L3MBTL4: variants seen among roughly 807,000 people sequenced by gnomAD.
L3MBTL4 encodes lethal(3)malignant brain tumor-like protein 4.
L3MBTL4 carries 70 observed loss-of-function variants against 84.5 expected under a neutral mutation model. The observed-to-expected ratio is 0.83, with a 90% CI of 0.68 to 1.01. The LOEUF is 1.01. Ranked by LOEUF, L3MBTL4 falls within the 50% of genes least tolerant of loss-of-function variation. L3MBTL4 has a pLI of 0.00. For missense variants in L3MBTL4, 715 were observed against 754.8 expected, an observed-to-expected ratio of 0.95 and a Z score of 0.62; for synonymous variants, 274 against 259.8, an observed-to-expected ratio of 1.05 and a Z score of -0.52.
intron 12 of L3MBTL4, among the ~76,000 whole-genome samples, chr18:6,185,989 A>ATTTT: frequency 6.7e-6 from 1 of 149,246 alleles, no homozygotes; most frequent in African/African-American, 2.5e-5. Flanking sequence ...ATTTTATTTT[A>ATTTT]TTTTATTATT....
intron 16 of L3MBTL4, among the ~76,000 whole-genome samples, chr18:6,049,545 A>C (rs2056766924): frequency 6.6e-6 from 1 of 152,262 alleles, no homozygotes. Flanking sequence ...GCCATAAAAA[A>C]TGAAATCATA....
intron 17 of L3MBTL4, among the ~76,000 whole-genome samples, chr18:5,968,505 A>G (rs1284121334): frequency 6.6e-6 from 1 of 151,928 alleles, no homozygotes; most frequent in Non-Finnish European, 1.5e-5. Flanking sequence ...CGAGACTAGC[A>G]TGGGCAACAT....
intron 16 of L3MBTL4, among the ~76,000 whole-genome samples, chr18:6,054,517 C>G (rs1407539245): frequency 6.6e-6 from 1 of 152,190 alleles, no homozygotes. Flanking sequence ...TCCTTCTTTT[C>G]CTCCGAGGCC....
chr18:6,205,788 A>G (rs774300576), intron 12 of L3MBTL4, among the ~76,000 whole-genome samples: 1 of 152,236 alleles, frequency 6.6e-6, no homozygotes, highest in African/African-American at 2.4e-5. Flanking sequence ...GGTTAAAAAT[A>G]GAGTGCCTAC....
intron 12 of L3MBTL4, among the ~76,000 whole-genome samples, chr18:6,182,186 G>A (rs962822201): frequency 2.0e-5 from 3 of 152,118 alleles, no homozygotes; most frequent in African/African-American, 7.2e-5. Flanking sequence ...TTTAATAATA[G>A]CCATTCTGAC....
intron 5 of L3MBTL4, among the ~76,000 whole-genome samples, chr18:6,248,392 C>T (rs750727677): frequency 8.5e-5 from 13 of 152,196 alleles, no homozygotes; most frequent in Non-Finnish European, 1.6e-4. Context: ...AGTAAAGTTA[C>T]AATATCCATT....
At chr18:6,128,310 G>A (rs903624848) in intron 14 of L3MBTL4, among the ~76,000 whole-genome samples, 1 of 152,052 alleles carries the variant, frequency 6.6e-6, no homozygotes, top group Non-Finnish European at 1.5e-5. Context: ...AAAGCAAACA[G>A]AGCAAATAGA....
chr18:6,012,683 T>G (rs564448711), intron 16 of L3MBTL4, among the ~76,000 whole-genome samples: 1 of 150,676 alleles, frequency 6.6e-6, no homozygotes, highest in East Asian at 2.0e-4. Flanking sequence ...AAAAAAAAAT[T>G]AGCCGATTGA....
chr18:6,014,133 C>T (rs530155854), intron 16 of L3MBTL4, among the ~76,000 whole-genome samples: 1 of 152,280 alleles, frequency 6.6e-6, no homozygotes, highest in African/African-American at 2.4e-5. Context: ...GCTTCTTCTG[C>T]CTCCTATGGG....
Position 6,072,881 on chromosome 18 carries a change from AATATATATATAT to A in L3MBTL4, c.1444+7988_1444+7999del, listed in dbSNP as rs71163258. ...ACTCCGTCTCAAAAAAAAAAAAAAA[AATATATATATAT>A]ATATATATATATATATATATATATA... On this transcript the variant is annotated intron_variant, in intron 16 of 18. Coordinates refer to ENST00000317931, the MANE Select transcript of L3MBTL4 (RefSeq NM_001330559.2). Among the ~76,000 whole-genome samples the A allele has an allele frequency of 4.6e-3, 94 of 20,394 alleles. 2 individuals carry two copies. The highest frequency in any genetic ancestry group is 9.9e-3 in the South Asian group (4 of 404). 13.4% of individuals were successfully genotyped at this position (20,394 alleles called of 152,430 possible).
intron 1 of L3MBTL4, among the ~76,000 whole-genome samples, chr18:6,320,447 T>G (rs2147050189): frequency 6.6e-6 from 1 of 152,188 alleles, no homozygotes; most frequent in South Asian, 2.1e-4. Flanking sequence ...AAAATCAAAG[T>G]ATACGAGTCA....
chr18:6,238,329 C>T (rs1324977482), intron 9 of L3MBTL4, among the ~76,000 whole-genome samples: 11 of 152,274 alleles, frequency 7.2e-5, no homozygotes, highest in Non-Finnish European at 1.3e-4. Context: ...GTCAGGAGAT[C>T]GAGACCATCC....
chr18:6,377,952 CCTATT>C (rs2054438316), intron 1 of L3MBTL4, among the ~76,000 whole-genome samples: 1 of 152,202 alleles, frequency 6.6e-6, no homozygotes, highest in Non-Finnish European at 1.5e-5. Flanking sequence ...TAAAAGCATT[CCTATT>C]TCTCCACATC....
At chr18:6,024,228 T>C (rs780911354) in intron 16 of L3MBTL4, among the ~76,000 whole-genome samples, 1 of 152,156 alleles carries the variant, frequency 6.6e-6, no homozygotes, top group Non-Finnish European at 1.5e-5. Context: ...TACCCTCACT[T>C]ACGCATTTTG....
chr18:6,326,091 G>C (rs1484231547), intron 1 of L3MBTL4, among the ~76,000 whole-genome samples: 1 of 152,180 alleles, frequency 6.6e-6, no homozygotes, highest in Non-Finnish European at 1.5e-5. Flanking sequence ...AGGAGTCTAT[G>C]ACTGAACCAG....
At chr18:6,030,419 T>A (rs1023152167) in intron 16 of L3MBTL4, 2 of 984,874 alleles carry the variant, frequency 2.0e-6, no homozygotes, top group East Asian at 1.1e-4. Flanking sequence ...CATATATACA[T>A]CTTCTGACTT....
chr18:6,273,762 G>A (rs2082201336), intron 4 of L3MBTL4, among the ~76,000 whole-genome samples: 1 of 152,226 alleles, frequency 6.6e-6, no homozygotes, highest in Non-Finnish European at 1.5e-5. Flanking sequence ...AGAAAGAATG[G>A]AAAAGCTAAA....
intron 16 of L3MBTL4, among the ~76,000 whole-genome samples, chr18:6,003,464 T>G (rs777659481): frequency 1.3e-5 from 2 of 151,968 alleles, no homozygotes; most frequent in African/African-American, 4.8e-5. Flanking sequence ...GACTTGTGAC[T>G]TCAATACTTC....
intron 16 of L3MBTL4, among the ~76,000 whole-genome samples, chr18:6,061,571 C>A (rs561663900): frequency 6.6e-6 from 1 of 151,928 alleles, no homozygotes; most frequent in East Asian, 1.9e-4. Flanking sequence ...TGAAGGCCAC[C>A]TAGATTTTCT....
Sources: allele counts gnomAD v4.1 joint callset (sites outside exome capture counted in the v4.1 genomes callset), GRCh38; gene constraint gnomAD v4.1.1; transcripts MANE v1.5; gene names NCBI Gene and HGNC (gene_info 2026-07-23, HGNC 2026-07-21).